Variants in SRGAP3 observed in about 807,000 individuals in gnomAD.
SRGAP3 encodes SLIT-ROBO Rho GTPase-activating protein 3.
In SRGAP3, 39 loss-of-function variants were observed where a neutral mutation model predicts 121.1. The observed-to-expected ratio is 0.32, with a 90% CI of 0.25 to 0.42. The LOEUF is 0.42. Ranked by LOEUF, SRGAP3 falls within the 10% of genes least tolerant of loss-of-function variation. SRGAP3 has a pLI of 1.00. For missense variants in SRGAP3, 1,213 were observed against 1,470.6 expected, an observed-to-expected ratio of 0.82 and a Z score of 2.86; for synonymous variants, 601 against 570.0, an observed-to-expected ratio of 1.05 and a Z score of -0.77.
chr3:9,316,913 G>A (rs1955356511), intron 3 of SRGAP3, among the ~76,000 whole-genome samples: 1 of 152,104 alleles, frequency 6.6e-6, no homozygotes, highest in Non-Finnish European at 1.5e-5. Flanking sequence ...GAGAAACTGG[G>A]ACTTCCCTGC....
intron 3 of SRGAP3, among the ~76,000 whole-genome samples, chr3:9,302,350 T>G (rs973768131): frequency 6.6e-6 from 1 of 152,160 alleles, no homozygotes; most frequent in Non-Finnish European, 1.5e-5. Context: ...CCTAAACGCT[T>G]GCCCTGCTCC....
intron 1 of SRGAP3, among the ~76,000 whole-genome samples, chr3:9,153,604 C>T (rs1950286335): frequency 6.6e-6 from 1 of 152,142 alleles, no homozygotes; most frequent in Admixed American, 6.5e-5. Context: ...AAAGGGATGA[C>T]TTTTTAATTT....
chr3:9,061,370 C>T (rs940707591), intron 5 of SRGAP3, among the ~76,000 whole-genome samples: 1 of 152,182 alleles, frequency 6.6e-6, no homozygotes, highest in African/African-American at 2.4e-5. Context: ...CCCTCATTTG[C>T]TCAGCCTCCT....
At chr3:9,155,368 T>G (rs931495742) in intron 1 of SRGAP3, among the ~76,000 whole-genome samples, 2 of 152,242 alleles carry the variant, frequency 1.3e-5, no homozygotes, top group Non-Finnish European at 2.9e-5. Context: ...CACTACAATC[T>G]GTCTGGGTGT....
At chr3:9,044,337 T>A (rs1015069037) in intron 10 of SRGAP3, among the ~76,000 whole-genome samples, 2 of 152,154 alleles carry the variant, frequency 1.3e-5, no homozygotes, top group Non-Finnish European at 2.9e-5. Context: ...AGGCAGCTAC[T>A]AAGTGGCCAG....
At chr3:9,244,545 C>A (rs1953757298) in intron 1 of SRGAP3, among the ~76,000 whole-genome samples, 1 of 152,098 alleles carries the variant, frequency 6.6e-6, no homozygotes, top group Admixed American at 6.5e-5. Context: ...ACCATCATGT[C>A]TGGCAGCAAG....
chr3:9,289,363 G>T (rs144492626), intron 3 of SRGAP3, among the ~76,000 whole-genome samples: 46 of 152,228 alleles, frequency 3.0e-4, no homozygotes, highest in African/African-American at 9.1e-4. Flanking sequence ...TTGTTGCCTT[G>T]CTTCCCTGTA....
At chr3:9,153,753 C>T (rs1950292276) in intron 1 of SRGAP3, among the ~76,000 whole-genome samples, 1 of 151,974 alleles carries the variant, frequency 6.6e-6, no homozygotes, top group Non-Finnish European at 1.5e-5. Context: ...CTAATTATGA[C>T]ATATTATTGT....
At chr3:9,152,876 T>G (rs1035338856) in intron 1 of SRGAP3, among the ~76,000 whole-genome samples, 2 of 152,220 alleles carry the variant, frequency 1.3e-5, no homozygotes, top group Non-Finnish European at 2.9e-5. Flanking sequence ...TTGGGACAAC[T>G]CTGAAGGGCC....
intron 1 of SRGAP3, among the ~76,000 whole-genome samples, chr3:9,242,857 G>C (rs1953694641): frequency 6.6e-6 from 1 of 151,838 alleles, no homozygotes; most frequent in African/African-American, 2.4e-5. Flanking sequence ...GCTAATTTTT[G>C]TATTTTTTGT....
At chr3:9,081,813 A>T (rs1006544386) in intron 3 of SRGAP3, among the ~76,000 whole-genome samples, 1 of 152,144 alleles carries the variant, frequency 6.6e-6, no homozygotes, top group Non-Finnish European at 1.5e-5. Flanking sequence ...TATGATTGTG[A>T]TTATGATTTT....
intron 1 of SRGAP3, among the ~76,000 whole-genome samples, chr3:9,206,238 C>T (rs967731728): frequency 6.6e-6 from 1 of 152,164 alleles, no homozygotes; most frequent in Non-Finnish European, 1.5e-5. Flanking sequence ...TGCATTATTG[C>T]ATTTAACCCT....
chr3:9,265,737 G>A (rs972401547), intron 3 of SRGAP3, among the ~76,000 whole-genome samples: 52 of 152,244 alleles, frequency 3.4e-4, no homozygotes, highest in African/African-American at 1.2e-3. Context: ...TGCTGGAGAG[G>A]ATGTGGAGAA....
At chr3:8,995,328 T>C (rs1942327753) in intron 18 of SRGAP3, among the ~76,000 whole-genome samples, 2 of 151,908 alleles carry the variant, frequency 1.3e-5, no homozygotes, top group South Asian at 4.2e-4. Context: ...TTTTTTTAAT[T>C]AGCTGGGCGT....
intron 1 of SRGAP3, among the ~76,000 whole-genome samples, chr3:9,358,846 T>C (rs997853146): frequency 2.0e-5 from 3 of 152,036 alleles, no homozygotes; most frequent in Admixed American, 6.5e-5. Flanking sequence ...GGGCAAGGGA[T>C]AGGGGAAAGG....
intron 1 of SRGAP3, among the ~76,000 whole-genome samples, chr3:9,352,715 C>G (rs1188056981): frequency 2.0e-5 from 3 of 152,200 alleles, no homozygotes; most frequent in Non-Finnish European, 2.9e-5. Context: ...GGGGTCAGGC[C>G]ACCTTGGTGT....
intron 12 of SRGAP3, among the ~76,000 whole-genome samples, chr3:9,027,731 C>T (rs564801713): frequency 8.5e-5 from 13 of 152,284 alleles, no homozygotes; most frequent in African/African-American, 2.2e-4. Context: ...ATGATTATGG[C>T]GGAGGGGAAA....
intron 4 of SRGAP3, among the ~76,000 whole-genome samples, chr3:9,075,374 A>AGTGTGTGTGT (rs3067610): frequency 5.0e-4 from 73 of 145,228 alleles, no homozygotes; most frequent in African/African-American, 1.9e-3. Context: ...CATGTATGCA[A>AGTGTGTGTGT]GTGTGTGTGT....
In SRGAP3 at chr3:9,047,383, C is replaced by T. The variant is rs1945342094; in HGVS notation, c.1408+8G>A. On this transcript the variant is annotated splice_region_variant and intron_variant, in intron 10 of 21. Transcript: ENST00000383836. ...CACCTCCCAGAGGGCCTCCACCAGC[C>T]CACTCACCTTCGCCCAGGGTCTGCT... 1.9e-6 allele frequency: 3 copies of T among 1,613,900 alleles called. No individual in the cohort carries two copies. The highest frequency in any genetic ancestry group is 2.5e-6 in the Non-Finnish European group (3 of 1,180,004).
Sources: gnomAD v4.1 joint callset for allele counts (sites outside exome capture counted in the v4.1 genomes callset) on GRCh38, gnomAD v4.1.1 for gene constraint, MANE v1.5 for transcripts, NCBI Gene and HGNC (gene_info 2026-07-23, HGNC 2026-07-21) for gene names.